The following TENM2 variants were observed in gnomAD, a reference collection of about 807,000 sequenced individuals.
The protein encoded by TENM2 is teneurin transmembrane protein 2.
Under a neutral mutation model 245.2 loss-of-function variants are expected in TENM2, and 52 were observed. That is an observed-to-expected ratio of 0.21 (90% CI 0.17 to 0.27). TENM2 has a LOEUF of 0.27. Among genes scored for constraint, TENM2 ranks in the 10% least tolerant of loss-of-function variants. The pLI is 1.00. For synonymous variants in TENM2, 1,363 were observed against 1,438.9 expected (o/e 0.95, Z 1.19); for missense variants, 3,046 against 3,666.8 (o/e 0.83, Z 4.37).
At chr5:168,026,279 T>C (rs1467445191) in intron 5 of TENM2, among the ~76,000 whole-genome samples, 1 of 152,138 alleles carries the variant, frequency 6.6e-6, no homozygotes, top group African/African-American at 2.4e-5. Context: ...TAAACATTTA[T>C]TCACTGACGT....
chr5:167,978,031 C>T (rs940102353), intron 4 of TENM2, among the ~76,000 whole-genome samples: 1 of 152,222 alleles, frequency 6.6e-6, no homozygotes, highest in African/African-American at 2.4e-5. Context: ...GTACCTCCTG[C>T]TCTCTTTCTA....
intron 2 of TENM2, among the ~76,000 whole-genome samples, chr5:167,634,503 G>GACTC (rs1330047718): frequency 6.8e-6 from 1 of 147,012 alleles, no homozygotes; most frequent in African/African-American, 2.5e-5. Flanking sequence ...TTGAGAGAGA[G>GACTC]ACTCAGAAAA....
At chr5:167,319,461 C>A (rs1441156887) in intron 1 of TENM2, among the ~76,000 whole-genome samples, 1 of 152,086 alleles carries the variant, frequency 6.6e-6, no homozygotes, top group Non-Finnish European at 1.5e-5. Context: ...ATGTTAATTA[C>A]ATTTACCCAT....
intron 2 of TENM2, among the ~76,000 whole-genome samples, chr5:167,431,305 A>G (rs1377444790): frequency 6.6e-6 from 1 of 152,206 alleles, no homozygotes; most frequent in Non-Finnish European, 1.5e-5. Flanking sequence ...CAGAAGAGAT[A>G]CAAAATGACT....
chr5:168,001,365 C>G (rs1415446903), intron 5 of TENM2, among the ~76,000 whole-genome samples: 1 of 152,208 alleles, frequency 6.6e-6, no homozygotes, highest in African/African-American at 2.4e-5. Context: ...ATAAGGCCAT[C>G]ATTTGGCACT....
At chr5:167,848,934 G>A (rs1770307021) in intron 2 of TENM2, among the ~76,000 whole-genome samples, 1 of 151,884 alleles carries the variant, frequency 6.6e-6, no homozygotes. Flanking sequence ...GGTTTTTTTG[G>A]CCACATTGTA....
chr5:168,039,841 G>A (rs906410136), intron 5 of TENM2, among the ~76,000 whole-genome samples: 9 of 152,050 alleles, frequency 5.9e-5, no homozygotes, highest in African/African-American at 9.7e-5. Flanking sequence ...CCACACACTC[G>A]CAGTGTCAAC....
intron 4 of TENM2, among the ~76,000 whole-genome samples, chr5:167,971,341 G>T (rs1292791028): frequency 7.0e-6 from 1 of 142,910 alleles, no homozygotes; most frequent in Non-Finnish European, 1.5e-5. Flanking sequence ...GTCGGCCCTT[G>T]ATTCTGACCA....
intron 3 of TENM2, among the ~76,000 whole-genome samples, chr5:167,940,423 G>A (rs1424905534): frequency 2.6e-5 from 4 of 152,124 alleles, no homozygotes; most frequent in African/African-American, 7.2e-5. Context: ...TAAAAAATGG[G>A]TGCCAGTATG....
intron 2 of TENM2, among the ~76,000 whole-genome samples, chr5:167,484,882 T>A (rs1486954632): frequency 6.6e-6 from 1 of 152,242 alleles, no homozygotes; most frequent in Admixed American, 6.5e-5. Flanking sequence ...TATTGCATGC[T>A]AAGTGGACCA....
chr5:167,902,207 C>T (rs545469514), intron 3 of TENM2, among the ~76,000 whole-genome samples: 9 of 152,048 alleles, frequency 5.9e-5, no homozygotes, highest in Non-Finnish European at 1.3e-4. Context: ...TACCCTCTGT[C>T]CCAAGAAGCT....
chr5:167,750,246 C>G (rs1582908760), intron 2 of TENM2, among the ~76,000 whole-genome samples: 1 of 152,108 alleles, frequency 6.6e-6, no homozygotes, highest in Non-Finnish European at 1.5e-5. Context: ...TCACCCTTCC[C>G]TTGCCCTACG....
At chr5:167,513,327 TA>T (rs1459427907) in intron 2 of TENM2, among the ~76,000 whole-genome samples, 1 of 152,142 alleles carries the variant, frequency 6.6e-6, no homozygotes, top group African/African-American at 2.4e-5. Context: ...TCAGAGGCAA[TA>T]AAATATAGAA....
chr5:167,629,439 A>G (rs1778723223), intron 2 of TENM2, among the ~76,000 whole-genome samples: 1 of 152,222 alleles, frequency 6.6e-6, no homozygotes. Context: ...TTATGTCTAT[A>G]AAACTTGTAC....
At chr5:167,663,462 G>A (rs1755374446) in intron 2 of TENM2, among the ~76,000 whole-genome samples, 1 of 151,994 alleles carries the variant, frequency 6.6e-6, no homozygotes, top group Non-Finnish European at 1.5e-5. Flanking sequence ...TTCTCTGTAG[G>A]CAATCTGAGT....
intron 4 of TENM2, chr5:167,965,707 G>A (rs144606549): frequency 5.3e-5 from 8 of 152,076 alleles, no homozygotes; most frequent in Non-Finnish European, 1.0e-4. Context: ...TTACCTACAG[G>A]ATCCCATTTA....
chr5:167,961,185 C>G (rs948357309), intron 4 of TENM2, among the ~76,000 whole-genome samples: 1 of 152,182 alleles, frequency 6.6e-6, no homozygotes, highest in Non-Finnish European at 1.5e-5. Flanking sequence ...TATTTTTAAC[C>G]ATGTCTACAA....
intron 3 of TENM2, among the ~76,000 whole-genome samples, chr5:167,928,161 G>A (rs1221050770): frequency 6.6e-6 from 1 of 152,118 alleles, no homozygotes; most frequent in Admixed American, 6.5e-5. Context: ...TAAGACAAAT[G>A]TAAGAATTAT....
exon 27 of TENM2, chr5:168,248,288 A>G (rs1766778935): frequency 6.2e-7 from 1 of 1,613,920 alleles, no homozygotes; most frequent in African/African-American, 1.3e-5. Flanking sequence ...AACGTGGGCA[A>G]GGAGCCGGCC....
Sources: gnomAD v4.1 joint callset for allele counts (sites outside exome capture counted in the v4.1 genomes callset) on GRCh38, gnomAD v4.1.1 for gene constraint, MANE v1.5 for transcripts, NCBI Gene and HGNC (gene_info 2026-07-23, HGNC 2026-07-21) for gene names.